Variants in ADAMTS9 observed in about 807,000 individuals in gnomAD.
ADAMTS9 encodes the protein A disintegrin and metalloproteinase with thrombospondin motifs 9.
ADAMTS9 carries 107 observed loss-of-function variants against 257.1 expected under a neutral mutation model. The observed-to-expected ratio is 0.42, with a 90% CI of 0.36 to 0.49. ADAMTS9 has a LOEUF of 0.49. Ranked by LOEUF, ADAMTS9 falls within the 20% of genes least tolerant of loss-of-function variation. The pLI, the probability that ADAMTS9 is intolerant of heterozygous loss-of-function variation, is 0.03. For missense variants in ADAMTS9, 2,353 were observed against 2,469.1 expected (o/e 0.95, Z 1.00); for synonymous variants, 982 against 880.9 (o/e 1.11, Z -2.03).
chr3:64,640,643 C>T (rs1193100657), intron 12 of ADAMTS9, among the ~76,000 whole-genome samples: 1 of 152,194 alleles, frequency 6.6e-6, no homozygotes, highest in Non-Finnish European at 1.5e-5. Flanking sequence ...TTCCTATAGA[C>T]TTCTTGGTTC....
At chr3:64,622,369 A>G (rs761018399) in intron 17 of ADAMTS9, 42 bp from the exon 18 acceptor site, 2 of 1,612,918 alleles carry the variant, frequency 1.2e-6, no homozygotes, top group South Asian at 1.1e-5. Context: ...GGGTGGGCTT[A>G]GTAATGCCAA....
rs540969810 is a variant in ADAMTS9 at position 64,556,349 on chromosome 3, C to G, written c.4698+5229G>C. 1.8e-4 allele frequency among the ~76,000 whole-genome samples: 27 copies of G among 152,270 alleles called. No individual in the cohort carries two copies. The East Asian group carries it at 5.2e-3, about 29-fold the overall frequency. On this transcript the variant is annotated intron_variant, in intron 30 of 39. Coordinates refer to ENST00000498707, the MANE Select transcript of ADAMTS9 (RefSeq NM_182920.2). ...ATTTTTAATGTTTTTGAGACAGGGT[C>G]TTGCTCTGTTGCCCAGGCCGTAGTG...
At chr3:64,573,518 A>C (rs1019603103) in intron 28 of ADAMTS9, among the ~76,000 whole-genome samples, 3 of 152,240 alleles carry the variant, frequency 2.0e-5, no homozygotes, top group Non-Finnish European at 4.4e-5. Flanking sequence ...GTTTTGAGAC[A>C]GGAGACTGAA....
At chr3:64,553,591 GC>G (rs2083296060) in intron 30 of ADAMTS9, among the ~76,000 whole-genome samples, 1 of 152,054 alleles carries the variant, frequency 6.6e-6, no homozygotes, top group Non-Finnish European at 1.5e-5. Context: ...CATATAGTAT[GC>G]CCCGTGCCTT....
chr3:64,683,519 AT>A (rs200194553), intron 2 of ADAMTS9, among the ~76,000 whole-genome samples: 7 of 151,634 alleles, frequency 4.6e-5, no homozygotes, highest in Admixed American at 1.3e-4. Flanking sequence ...AAAGTCTCAG[AT>A]TTTTTTTTGT....
At position 64,655,583 on chromosome 3, in the gene ADAMTS9, A is replaced by G; in HGVS notation, c.1162T>C (p.Leu388=). The change falls in exon 6 of 40, where the codon TTA becomes CTA. Residue 388 remains leucine (L), a synonymous_variant. Coordinates refer to ENST00000498707, the MANE Select transcript of ADAMTS9 (RefSeq NM_182920.2). The part of the protein sequence containing the change: ...GGIHHDTAVL[L]TRQDICRAHD... ...AATAAGAAATCCATATACCTTGTTA[A>G]GAGAACAGCAGTATCATGATGGATT... 1 of 1,612,330 alleles carries G rather than the reference A, an allele frequency of 6.2e-7. No homozygotes were observed. The highest frequency in any genetic ancestry group is 8.5e-7 in the Non-Finnish European group (1 of 1,178,378).
In ADAMTS9 at chr3:64,551,064, T is replaced by A. The variant is rs570482398; in HGVS notation, c.4699-2A>T. The stretch of plus-strand genomic sequence containing the variant: ...GCCTTCGCCGCAGGTCTTGGTGCAC[T>A]GTTAAATACAAGCAAAAGAGAAGAA... On this transcript the variant is annotated splice_acceptor_variant, in intron 30 of 39. Transcript: ENST00000498707. LOFTEE classifies it high-confidence loss of function. The A allele has an allele frequency of 6.2e-7, 1 of 1,613,946 alleles. No individual in the cohort carries two copies. The highest frequency in any genetic ancestry group is 1.1e-5 in the South Asian group (1 of 91,042).
At chr3:64,542,136 C>G (rs996684156) in intron 32 of ADAMTS9, among the ~76,000 whole-genome samples, 166 bp from the exon 33 acceptor site, 1 of 152,092 alleles carries the variant, frequency 6.6e-6, no homozygotes, top group African/African-American at 2.4e-5. Context: ...TACTATGGGC[C>G]AGTCCCTGTG....
In ADAMTS9 at chr3:64,643,391, A is replaced by G. The variant is rs151203814; in HGVS notation, c.1711-1398T>C. On this transcript the variant is annotated intron_variant, in intron 11 of 39. Coordinates refer to ENST00000498707, the MANE Select transcript of ADAMTS9 (RefSeq NM_182920.2). Reference sequence around the variant, plus strand: ...AATTAATTTTAATATATTTAGCCCAATCTATCTAACACATTGTTATTTCTA... The same window carrying G: ...AATTAATTTTAATATATTTAGCCCAGTCTATCTAACACATTGTTATTTCTA... 6.0e-3 allele frequency among the ~76,000 whole-genome samples: 908 copies of G among 151,542 alleles called. 3 individuals carry two copies. The highest frequency in any genetic ancestry group is 0.021 in the African/African-American group (862 of 41,234).
intron 30 of ADAMTS9, 50 bp downstream of exon 30, chr3:64,561,528 G>C (rs750462868): frequency 2.6e-6 from 4 of 1,568,268 alleles, no homozygotes; most frequent in Non-Finnish European, 3.5e-6. Context: ...GGATAGCAAG[G>C]GGCGCACACG....
intron 3 of ADAMTS9, among the ~76,000 whole-genome samples, chr3:64,665,959 C>T (rs149986000): frequency 1.5e-3 from 223 of 152,198 alleles, no homozygotes; most frequent in Non-Finnish European, 2.5e-3. Flanking sequence ...AAAATTCACT[C>T]GTGGAACATC....
At chr3:64,517,416 G>GTTTTTTTTTTTGTTTTTTT (rs2082789722) in intron 39 of ADAMTS9, among the ~76,000 whole-genome samples, 1 of 52,638 alleles carries the variant, frequency 1.9e-5, no homozygotes, top group African/African-American at 5.3e-5. Context: ...ATTAAAAATG[G>GTTTTTTTTTTTGTTTTTTT]TTTTTTTTTT....
intron 12 of ADAMTS9, among the ~76,000 whole-genome samples, chr3:64,634,778 AT>A (rs1482366569): frequency 6.6e-6 from 1 of 152,120 alleles, no homozygotes; most frequent in African/African-American, 2.4e-5. Flanking sequence ...CTGAAAGGAC[AT>A]TTTTCACCCT....
intron 8 of ADAMTS9, among the ~76,000 whole-genome samples, chr3:64,653,205 C>T (rs1406118356): frequency 4.6e-5 from 7 of 152,154 alleles, no homozygotes. Context: ...AGTCCCACCG[C>T]CACTAAGCTG....
At chr3:64,616,339 T>A (rs1171751753) in intron 19 of ADAMTS9, among the ~76,000 whole-genome samples, 169 bp from the exon 20 acceptor site, 2 of 152,178 alleles carry the variant, frequency 1.3e-5, no homozygotes, top group Non-Finnish European at 2.9e-5. Flanking sequence ...AACCAACATA[T>A]CCATGTGTTT....
At chr3:64,596,733 A>C in intron 27 of ADAMTS9, 97 bp downstream of exon 27, 31 of 1,445,372 alleles carry the variant, frequency 2.1e-5, no homozygotes, top group Non-Finnish European at 2.5e-5. Flanking sequence ...AGCTTCTACT[A>C]GAGCTAGTTC....
At chr3:64,616,267 T>G (rs905157427) in intron 19 of ADAMTS9, 97 bp from the exon 20 acceptor site, 4 of 1,339,084 alleles carry the variant, frequency 3.0e-6, no homozygotes, top group East Asian at 2.3e-5. Context: ...AGTTCTTTTT[T>G]CTTTCTTAAC....
At chr3:64,609,901 A>G (rs2084634248) in intron 22 of ADAMTS9, among the ~76,000 whole-genome samples, 1 of 152,202 alleles carries the variant, frequency 6.6e-6, no homozygotes, top group Non-Finnish European at 1.5e-5. Context: ...AAAACAGTCT[A>G]CTGGCATAAG....
chr3:64,608,959 G>T (rs1204620894), intron 22 of ADAMTS9, among the ~76,000 whole-genome samples: 1 of 151,906 alleles, frequency 6.6e-6, no homozygotes, highest in African/African-American at 2.4e-5. Flanking sequence ...GGAACATAAG[G>T]CTGGCCCAAC....
Sources: allele counts gnomAD v4.1 joint callset (sites outside exome capture counted in the v4.1 genomes callset), GRCh38; gene constraint gnomAD v4.1.1; transcripts MANE v1.5; gene names NCBI Gene and HGNC (gene_info 2026-07-23, HGNC 2026-07-21).